The following GPHN variants were observed in gnomAD, a reference collection of about 807,000 sequenced individuals.
GPHN encodes the protein gephyrin.
A neutral mutation model predicts 95.5 loss-of-function variants in GPHN; 17 were observed. The observed-to-expected ratio is 0.18, with a 90% CI of 0.12 to 0.27. The LOEUF (loss-of-function observed/expected upper bound fraction) is 0.27, where lower values mean the gene tolerates loss of function less well. Among genes scored for constraint, GPHN ranks in the 10% least tolerant of loss-of-function variants. GPHN has a pLI of 1.00. For synonymous variants in GPHN, 320 were observed against 322.5 expected, an observed-to-expected ratio of 0.99 and a Z score of 0.08; for missense variants, 660 against 978.1, an observed-to-expected ratio of 0.67 and a Z score of 4.34.
intron 13 of GPHN, among the ~76,000 whole-genome samples, chr14:67,102,574 C>A (rs1314973460): frequency 6.6e-6 from 1 of 151,936 alleles, no homozygotes; most frequent in Non-Finnish European, 1.5e-5. Flanking sequence ...GCAGGAGAAT[C>A]GCTTGAACCT....
chr14:67,076,133 A>G lies in GPHN; in HGVS notation c.1145-12850A>G, dbSNP rs530784342. ...AAATTGCCACAGCCACCCCAGCCAC[A>G]AGCAACTACCACCCAGATCAGTCAG... On this transcript the variant is annotated intron_variant, in intron 11 of 22. Transcript: ENST00000478722. Among the ~76,000 whole-genome samples, 17 of 152,300 alleles carry G rather than the reference A, an allele frequency of 1.1e-4. No individual in the cohort carries two copies. In the South Asian group the frequency reaches 3.5e-3, roughly 32 times the overall value.
At chr14:67,548,355 T>A in the GPHN span, among the ~76,000 whole-genome samples, 1 of 152,224 alleles carries the variant, frequency 6.6e-6, no homozygotes, top group African/African-American at 2.4e-5. Flanking sequence ...GGTTTTTCTT[T>A]ACTCCCTATC....
intron 3 of GPHN, among the ~76,000 whole-genome samples, chr14:66,801,829 C>A (rs72728659): frequency 7.1e-6 from 1 of 141,716 alleles, no homozygotes; most frequent in African/African-American, 2.6e-5. Context: ...TCTCCCTCTC[C>A]CTCCTTGAGC....
the GPHN span, chr14:67,573,253 A>G: frequency 1.1e-5 from 17 of 1,480,430 alleles, no homozygotes; most frequent in African/African-American, 2.2e-4. The surrounding 1 kb of genome is among the most constrained non-coding windows in gnomAD (Gnocchi z 4.8). Flanking sequence ...CCCTTTCTTC[A>G]TCTACACCCT....
the GPHN span, chr14:67,348,965 T>C: frequency 1.4e-6 from 2 of 1,388,732 alleles, no homozygotes; most frequent in South Asian, 1.2e-5. Flanking sequence ...AAGATCTTGC[T>C]GTATAAACAG....
At chr14:67,624,632 C>T in the GPHN span, among the ~76,000 whole-genome samples, 2 of 152,094 alleles carry the variant, frequency 1.3e-5, no homozygotes, top group Admixed American at 6.6e-5. Flanking sequence ...GGTGCTGAAC[C>T]ATTAGGAACA....
the GPHN span, among the ~76,000 whole-genome samples, chr14:67,300,973 T>C: frequency 6.6e-6 from 1 of 152,160 alleles, no homozygotes. Context: ...ATTACAGGTG[T>C]GAGCCACTGC....
the GPHN span, among the ~76,000 whole-genome samples, chr14:67,431,005 AT>A: frequency 1.3e-5 from 2 of 152,132 alleles, no homozygotes; most frequent in Non-Finnish European, 1.5e-5. Flanking sequence ...TTCTCTCTAG[AT>A]TTCAGAAAGA....
chr14:67,308,823 A>C, the GPHN span, among the ~76,000 whole-genome samples: 2 of 152,034 alleles, frequency 1.3e-5, no homozygotes, highest in African/African-American at 2.4e-5. Flanking sequence ...TACTATCCCA[A>C]ATTACAATAT....
chr14:66,544,135 C>T (rs1195182500), intron 1 of GPHN, among the ~76,000 whole-genome samples: 2 of 152,210 alleles, frequency 1.3e-5, no homozygotes, highest in Non-Finnish European at 2.9e-5. Context: ...ACACTGACCT[C>T]ATTGCTGTTC....
Position 66,508,267 on chromosome 14 carries a change from C to T in GPHN, c.-261C>T, listed in dbSNP as rs41301477. The T allele has an allele frequency of 0.013, 7,476 of 574,372 alleles. 81 individuals are homozygous for T. The highest frequency in any genetic ancestry group is 0.017 in the Non-Finnish European group (5,432 of 321,190). 35.6% of individuals were successfully genotyped at this position (574,372 alleles called of 1,614,324 possible). On this transcript the variant is annotated 5_prime_UTR_variant, in exon 1 of 23. Coordinates refer to ENST00000478722, the MANE Select transcript of GPHN (RefSeq NM_020806.5). ...TCTCCCCGTGCGGCCACCGCGCCCC[C>T]CAAGCTTGCCTCCTTCTTGCCGGAC...
chr14:67,727,442 C>A, the GPHN span: 5 of 442,410 alleles, frequency 1.1e-5, no homozygotes, highest in Non-Finnish European at 1.7e-5. Context: ...ATTTGATTTT[C>A]ACAGTAGCTT....
At chr14:67,249,984 C>T in the GPHN span, among the ~76,000 whole-genome samples, 12 of 152,266 alleles carry the variant, frequency 7.9e-5, no homozygotes, top group African/African-American at 2.9e-4. Context: ...ATGTAAGTAA[C>T]GCTTCGGAAA....
intron 10 of GPHN, among the ~76,000 whole-genome samples, chr14:67,056,109 C>T (rs1446021512): frequency 6.6e-6 from 1 of 152,220 alleles, no homozygotes; most frequent in East Asian, 1.9e-4. Context: ...GGGACCCCAG[C>T]AGGTTGCTGC....
chr14:66,948,803 T>G (rs1187780767), intron 8 of GPHN, among the ~76,000 whole-genome samples: 1 of 152,216 alleles, frequency 6.6e-6, no homozygotes, highest in African/African-American at 2.4e-5. Context: ...TGACAAGTTT[T>G]GGGAGGTTGT....
chr14:67,680,720 A>G, the GPHN span, among the ~76,000 whole-genome samples: 1 of 152,196 alleles, frequency 6.6e-6, no homozygotes, highest in Non-Finnish European at 1.5e-5. Flanking sequence ...CAGCCTCCCA[A>G]AGTGCAGGGA....
chr14:67,046,438 T>C (rs879301933), intron 10 of GPHN, among the ~76,000 whole-genome samples: 3 of 152,172 alleles, frequency 2.0e-5, no homozygotes, highest in Non-Finnish European at 4.4e-5. Flanking sequence ...TTATCAATTT[T>C]CTGAGTGATG....
the GPHN span, chr14:67,196,986 T>A: frequency 6.6e-6 from 1 of 152,128 alleles, no homozygotes; most frequent in Non-Finnish European, 1.5e-5. Context: ...TGGAGTGCAG[T>A]GACAAGATCA....
At chr14:66,733,332 G>A (rs1225059499) in intron 2 of GPHN, among the ~76,000 whole-genome samples, 1 of 148,676 alleles carries the variant, frequency 6.7e-6, no homozygotes, top group Non-Finnish European at 1.5e-5. Context: ...AAATTACCCT[G>A]TCTCAAGTAT....
Sources: gnomAD v4.1 joint callset for allele counts (sites outside exome capture counted in the v4.1 genomes callset) on GRCh38, gnomAD v4.1.1 for gene constraint, Gnocchi (gnomAD v3.1) non-coding constraint, MANE v1.5 for transcripts, NCBI Gene and HGNC (gene_info 2026-07-23, HGNC 2026-07-21) for gene names.